ACSF3: variants seen among roughly 807,000 people sequenced by gnomAD.
ACSF3 encodes acyl-CoA synthetase family member 3, also known as malonate--CoA ligase ACSF3, mitochondrial.
In ACSF3, 78 loss-of-function variants were observed where a neutral mutation model predicts 53.2. The ratio of observed to expected loss-of-function variants is 1.47; its 90% CI spans 1.22 to 1.77. The LOEUF (loss-of-function observed/expected upper bound fraction) is 1.77. Among genes scored for constraint, ACSF3 ranks in the 40% most tolerant of loss-of-function variants. The pLI is 0.00. For synonymous variants in ACSF3, 414 were observed against 333.1 expected, an observed-to-expected ratio of 1.24 and a Z score of -2.65; for missense variants, 937 against 771.1, an observed-to-expected ratio of 1.22 and a Z score of -2.55.
chr16:89,116,125 A>T (rs1429174618), intron 6 of ACSF3, among the ~76,000 whole-genome samples: 1 of 152,236 alleles, frequency 6.6e-6, no homozygotes, highest in Non-Finnish European at 1.5e-5. Context: ...GTTTGTACAT[A>T]GTGCGAGATA....
intron 6 of ACSF3, among the ~76,000 whole-genome samples, chr16:89,116,285 A>G (rs984260668): frequency 4.5e-4 from 68 of 152,020 alleles, no homozygotes; most frequent in African/African-American, 1.6e-3. Context: ...GCTCTGTCCC[A>G]TTGCTTTCCG....
intron 10 of ACSF3, chr16:89,150,779 T>C (rs891570013): frequency 3.1e-5 from 11 of 360,446 alleles, no homozygotes; most frequent in African/African-American, 2.4e-4. Context: ...TCCAGGCCAC[T>C]TGCTGTACCT....
At chr16:89,135,072 T>C (rs1385054841) in intron 8 of ACSF3, among the ~76,000 whole-genome samples, 1 of 100,764 alleles carries the variant, frequency 9.9e-6, no homozygotes, top group Non-Finnish European at 1.8e-5. Context: ...CTTTTCCTGG[T>C]TTTTTTTTTT....
At chr16:89,116,700 C>T (rs1235974367) in intron 6 of ACSF3, among the ~76,000 whole-genome samples, 1 of 152,152 alleles carries the variant, frequency 6.6e-6, no homozygotes, top group African/African-American at 2.4e-5. Context: ...GAAAAGAAGT[C>T]AGTGTGAGTG....
intron 6 of ACSF3, among the ~76,000 whole-genome samples, chr16:89,117,391 G>A (rs1905312991): frequency 6.6e-6 from 1 of 152,182 alleles, no homozygotes; most frequent in Non-Finnish European, 1.5e-5. Flanking sequence ...CACTAGAGAA[G>A]ATGGACAGTG....
At chr16:89,149,818 G>C (rs1913771720) in intron 10 of ACSF3, 1 of 152,132 alleles carries the variant, frequency 6.6e-6, no homozygotes, top group African/African-American at 2.4e-5. Flanking sequence ...AGAACCAGTG[G>C]GAAAGAGTGG....
chr16:89,150,648 G>C (rs555494235), intron 10 of ACSF3: 1 of 263,004 alleles, frequency 3.8e-6, no homozygotes, highest in Admixed American at 5.0e-5. Flanking sequence ...GGGCACTTGA[G>C]GGCCCGCTGA....
At chr16:89,150,045 C>A in intron 10 of ACSF3, 1 of 152,406 alleles carries the variant, frequency 6.6e-6, no homozygotes, top group Non-Finnish European at 1.5e-5. Context: ...CTGGGGAGGC[C>A]TCAGGAAACT....
At position 89,104,874 on chromosome 16, in the gene ACSF3, C is replaced by T. The variant is rs140871741; in HGVS notation, c.822+2115C>T. Reference sequence around the variant, plus strand: ...GAACAGCTTTGTACGAGCAAGTGAGCCTGTTTCTTCACAGATGATAACATT... The same window carrying T: ...GAACAGCTTTGTACGAGCAAGTGAGTCTGTTTCTTCACAGATGATAACATT... On this transcript the variant is annotated intron_variant, in intron 4 of 10. Transcript: ENST00000614302. 5.9e-5 allele frequency among the ~76,000 whole-genome samples: 9 copies of T among 152,364 alleles called. No individual in the cohort carries two copies. In the East Asian group the frequency reaches 1.5e-3, roughly 26 times the overall value.
intron 8 of ACSF3, among the ~76,000 whole-genome samples, chr16:89,143,350 C>T (rs1490279967): frequency 1.3e-5 from 2 of 152,114 alleles, no homozygotes; most frequent in East Asian, 1.9e-4. Flanking sequence ...GTGATGGCCT[C>T]TCCGGCAGGA....
At chr16:89,145,139 A>T in intron 8 of ACSF3, 128 bp from the exon 9 acceptor site, 1 of 1,607,732 alleles carries the variant, frequency 6.2e-7, no homozygotes. Context: ...ACAGGGTAGT[A>T]ACCAGAGCCC....
intron 8 of ACSF3, among the ~76,000 whole-genome samples, chr16:89,142,071 G>A (rs890789081): frequency 4.6e-5 from 7 of 152,044 alleles, no homozygotes; most frequent in Non-Finnish European, 5.9e-5. Flanking sequence ...ACCATGTTGC[G>A]CGCCGACCCC....
At chr16:89,133,873 G>A (rs561996189) in intron 8 of ACSF3, among the ~76,000 whole-genome samples, 1 of 152,360 alleles carries the variant, frequency 6.6e-6, no homozygotes, top group Non-Finnish European at 1.5e-5. Context: ...CAGGAAGCCT[G>A]TGGCGGTCAG....
In ACSF3 at chr16:89,100,812, C is replaced by T; in HGVS notation, c.131C>T (p.Ala44Val). 1 of 1,612,994 alleles carries T rather than the reference C, an allele frequency of 6.2e-7. No individual in the cohort carries two copies. Among genetic ancestry groups the T allele is most frequent in the Non-Finnish European group, 8.5e-7 (1 of 1,180,028 alleles). Reference sequence around the variant, plus strand: ...CCAGTGGCCCGCTCGGACAGGAGCGCCCCGGTGTTCACCCGTGCCCTGGCC... The same window carrying T: ...CCAGTGGCCCGCTCGGACAGGAGCGTCCCGGTGTTCACCCGTGCCCTGGCC... ...TAPVARSDRSAPVFTRALAFG... is the reference protein window; with the variant it reads ...TAPVARSDRSVPVFTRALAFG... The change falls in exon 3 of 11, where the codon GCC (alanine) becomes GTC (valine). Residue 44 changes from alanine to valine, a missense_variant. Coordinates refer to ENST00000614302, the MANE Select transcript of ACSF3 (RefSeq NM_001243279.3).
At chr16:89,107,401 C>G (rs990471927) in intron 4 of ACSF3, among the ~76,000 whole-genome samples, 3 of 152,088 alleles carry the variant, frequency 2.0e-5, no homozygotes, top group South Asian at 2.1e-4. Context: ...CACGCATGCT[C>G]TCCCCACCTC....
chr16:89,112,125 C>T lies in ACSF3; in HGVS notation c.856C>T (p.Arg286Trp), dbSNP rs148146761. 1.1e-4 allele frequency: 122 copies of T among 1,100,672 alleles called. No homozygotes were observed. Among genetic ancestry groups the T allele is most frequent in the African/African-American group, 7.0e-4 (21 of 30,174 alleles). 68.2% of individuals were successfully genotyped at this position (1,100,672 alleles called of 1,614,324 possible). The change falls in exon 5 of 11, where the codon CGG (arginine) becomes TGG (tryptophan). Residue 286 changes from arginine to tryptophan, a missense_variant. Coordinates refer to ENST00000614302, the MANE Select transcript of ACSF3 (RefSeq NM_001243279.3). ...AAAGTTCTTAAGTTCTGAAACGCCG[C>T]GGATCAATGTCTTTATGGCAGTGCC... ...WEKFLSSETP[R>W]INVFMAVPTI... is the part of the protein sequence containing the mutation.
intron 3 of ACSF3, 56 bp downstream of exon 3, chr16:89,101,403 G>A (rs1412525016): frequency 1.3e-6 from 2 of 1,548,608 alleles, no homozygotes; most frequent in Non-Finnish European, 1.7e-6. Context: ...CTCCGGGTGG[G>A]CTCCGGGCCA....
chr16:89,126,771 C>G (rs916809871), intron 7 of ACSF3, among the ~76,000 whole-genome samples: 1 of 152,162 alleles, frequency 6.6e-6, no homozygotes, highest in African/African-American at 2.4e-5. Context: ...TTATTTCTTC[C>G]TTTCCAACCT....
rs147597284 is a variant in ACSF3 at position 89,101,281 on chromosome 16, C to G, written c.600C>G (p.Ile200Met). The change falls in exon 3 of 11, where the codon ATC (isoleucine) becomes ATG (methionine). Residue 200 changes from isoleucine (I) to methionine (M), a missense_variant. Coordinates refer to ENST00000614302, the MANE Select transcript of ACSF3 (RefSeq NM_001243279.3). The stretch of plus-strand genomic sequence containing the variant: ...GGAGGAACAAGGGCGCCATGATCAT[C>G]TACACCAGTGGGACCACGGGGAGGC... Reference protein sequence around the residue: ...QGWRNKGAMIIYTSGTTGRPK... With the variant: ...QGWRNKGAMIMYTSGTTGRPK... 6.5e-4 allele frequency: 1,049 copies of G among 1,602,744 alleles called. 3 individuals carry two copies. The African/African-American group carries it at 0.013, about 19-fold the overall frequency.
Sources: allele counts gnomAD v4.1 joint callset (sites outside exome capture counted in the v4.1 genomes callset), GRCh38; gene constraint gnomAD v4.1.1; transcripts MANE v1.5; gene names NCBI Gene and HGNC (gene_info 2026-07-23, HGNC 2026-07-21).